The following HYCC2 variants were observed in gnomAD, a reference collection of about 807,000 sequenced individuals.
HYCC2 encodes hyccin 2.
chr2:201,033,371 A>ATTTATTTTAT, the HYCC2 span, among the ~76,000 whole-genome samples: 816 of 144,148 alleles, frequency 5.7e-3, 2 homozygotes, highest in Middle Eastern at 0.028. Flanking sequence ...TGCTTGGCTA[A>ATTTATTTTAT]TTTATTTTAT....
At chr2:201,026,754 C>T in the HYCC2 span, among the ~76,000 whole-genome samples, 1 of 152,158 alleles carries the variant, frequency 6.6e-6, no homozygotes, top group Non-Finnish European at 1.5e-5. Flanking sequence ...TAAAGATGTT[C>T]TTTGAAACCA....
chr2:201,015,269 C>G, the HYCC2 span, among the ~76,000 whole-genome samples: 3 of 152,184 alleles, frequency 2.0e-5, no homozygotes, highest in Non-Finnish European at 2.9e-5. Flanking sequence ...TTTTACCTTG[C>G]TTCCTACAGT....
At chr2:201,003,191 T>A in the HYCC2 span, among the ~76,000 whole-genome samples, 1 of 152,048 alleles carries the variant, frequency 6.6e-6, no homozygotes, top group Admixed American at 6.6e-5. Flanking sequence ...GCCTCCAGAG[T>A]ACCTAGGACC....
At chr2:201,070,120 T>G in the HYCC2 span, among the ~76,000 whole-genome samples, 1 of 152,180 alleles carries the variant, frequency 6.6e-6, no homozygotes, top group Admixed American at 6.5e-5. Flanking sequence ...ACCTACAAAA[T>G]CAAGTTTTTA....
chr2:201,002,897 G>T, the HYCC2 span, among the ~76,000 whole-genome samples: 1 of 152,152 alleles, frequency 6.6e-6, no homozygotes, highest in Non-Finnish European at 1.5e-5. Context: ...TCACGCAAAT[G>T]TATGTACAAA....
chr2:201,059,596 G>A, the HYCC2 span, among the ~76,000 whole-genome samples: 1 of 152,234 alleles, frequency 6.6e-6, no homozygotes, highest in Admixed American at 6.5e-5. Context: ...ACAGAGCAGG[G>A]AATAGTTTCT....
At chr2:201,053,817 C>A in the HYCC2 span, among the ~76,000 whole-genome samples, 1 of 150,926 alleles carries the variant, frequency 6.6e-6, no homozygotes, top group East Asian at 1.9e-4. Flanking sequence ...ACAAAAAATT[C>A]GCCGGGCATG....
chr2:201,025,236 T>C, the HYCC2 span, among the ~76,000 whole-genome samples: 4 of 152,146 alleles, frequency 2.6e-5, no homozygotes, highest in African/African-American at 7.2e-5. Flanking sequence ...AGCACCCAAG[T>C]AGGCAGCTGC....
At chr2:201,011,428 A>G in the HYCC2 span, 1 of 1,584,692 alleles carries the variant, frequency 6.3e-7, no homozygotes. Flanking sequence ...AGGAGGGGAT[A>G]GTGAAAGACA....
chr2:200,974,657 C>G, the HYCC2 span: 1 of 151,868 alleles, frequency 6.6e-6, no homozygotes. Flanking sequence ...AATCAATATA[C>G]TCATTACTTT....
chr2:200,979,673 A>G, the HYCC2 span: 2 of 152,660 alleles, frequency 1.3e-5, no homozygotes, highest in African/African-American at 2.4e-5. Context: ...AATCAAGTAA[A>G]AACATCTAAA....
chr2:201,015,224 C>T, the HYCC2 span, among the ~76,000 whole-genome samples: 2 of 152,166 alleles, frequency 1.3e-5, no homozygotes, highest in Non-Finnish European at 2.9e-5. Context: ...AAAGGTGCAA[C>T]ACAGATGATC....
the HYCC2 span, among the ~76,000 whole-genome samples, chr2:200,986,067 G>A: frequency 6.6e-6 from 1 of 152,136 alleles, no homozygotes; most frequent in African/African-American, 2.4e-5. Context: ...TTATTGTTAT[G>A]TGTTTATACA....
chr2:201,009,132 A>G, the HYCC2 span: 2 of 1,175,610 alleles, frequency 1.7e-6, no homozygotes, highest in South Asian at 2.5e-5. Flanking sequence ...TCTACCATGA[A>G]GTAAAAATCT....
chr2:201,037,565 C>T, the HYCC2 span, among the ~76,000 whole-genome samples: 1 of 152,162 alleles, frequency 6.6e-6, no homozygotes, highest in East Asian at 1.9e-4. Context: ...TGGAACAGAA[C>T]AGAGCCCTCA....
the HYCC2 span, chr2:201,023,871 C>T: frequency 1.0e-6 from 1 of 982,216 alleles, no homozygotes; most frequent in Non-Finnish European, 1.6e-6. Flanking sequence ...CCATAGAGCA[C>T]ATAATGTTTC....
At chr2:201,058,625 A>G in the HYCC2 span, among the ~76,000 whole-genome samples, 6 of 152,300 alleles carry the variant, frequency 3.9e-5, no homozygotes, top group East Asian at 1.2e-3. Context: ...AATCACCTGA[A>G]CCTGGGAGGT....
chr2:200,978,949 T>C, the HYCC2 span: 2 of 152,156 alleles, frequency 1.3e-5, no homozygotes, highest in African/African-American at 4.8e-5. Flanking sequence ...ACAATTTGAA[T>C]TGAAAACAGT....
chr2:201,032,934 C>G, the HYCC2 span, among the ~76,000 whole-genome samples: 1 of 151,650 alleles, frequency 6.6e-6, no homozygotes, highest in Non-Finnish European at 1.5e-5. Context: ...TATAATTATT[C>G]AAAACATTTT....
Sources: gnomAD v4.1 joint callset for allele counts (sites outside exome capture counted in the v4.1 genomes callset) on GRCh38, gnomAD v4.1.1 for gene constraint, MANE v1.5 for transcripts, NCBI Gene and HGNC (gene_info 2026-07-23, HGNC 2026-07-21) for gene names.